The following STK32B variants were observed in gnomAD, a reference collection of about 807,000 sequenced individuals.
STK32B encodes serine/threonine kinase 32B.
STK32B carries 43 observed loss-of-function variants against 52.6 expected under a neutral mutation model. The observed-to-expected ratio is 0.82, with a 90% CI of 0.64 to 1.05. STK32B has a LOEUF of 1.05. Among genes scored for constraint, STK32B ranks in the 50% least tolerant of loss-of-function variants. The probability of loss-of-function intolerance (pLI) is 0.00; values close to 1 mark genes in which losing one functional copy is unlikely to be tolerated. For missense variants in STK32B, 621 were observed against 534.6 expected, an observed-to-expected ratio of 1.16 and a Z score of -1.59; for synonymous variants, 238 against 204.3, an observed-to-expected ratio of 1.17 and a Z score of -1.41.
intron 6 of STK32B, among the ~76,000 whole-genome samples, chr4:5,422,296 G>A (rs1376962088): frequency 2.6e-5 from 4 of 152,180 alleles, no homozygotes; most frequent in African/African-American, 9.7e-5. Context: ...TCCTGGGGCT[G>A]TAAATTCCTA....
intron 3 of STK32B, among the ~76,000 whole-genome samples, chr4:5,315,868 C>T (rs1479792385): frequency 1.3e-5 from 2 of 150,696 alleles, no homozygotes; most frequent in Non-Finnish European, 3.0e-5. Context: ...CCACGCCCAG[C>T]TAATTTTTGT....
intron 3 of STK32B, among the ~76,000 whole-genome samples, chr4:5,284,360 T>A (rs1432569284): frequency 6.6e-6 from 1 of 152,018 alleles, no homozygotes; most frequent in Non-Finnish European, 1.5e-5. Flanking sequence ...AAAAACTAGG[T>A]TTAAGAGAAG....
chr4:5,285,637 A>G (rs983248052), intron 3 of STK32B, among the ~76,000 whole-genome samples: 5 of 152,226 alleles, frequency 3.3e-5, no homozygotes, highest in African/African-American at 7.2e-5. Flanking sequence ...TGAGAAATGT[A>G]TGAAGGAAAA....
intron 1 of STK32B, among the ~76,000 whole-genome samples, chr4:5,074,047 A>G (rs2108769506): frequency 6.6e-6 from 1 of 151,890 alleles, no homozygotes; most frequent in South Asian, 2.1e-4. Flanking sequence ...ATTTTCTACC[A>G]CATTCTCTCT....
chr4:5,380,767 C>G lies in STK32B; in HGVS notation c.435-17440C>G, dbSNP rs1735888110. 6.6e-6 allele frequency among the ~76,000 whole-genome samples: 1 copy of G among 152,192 alleles called. No homozygotes were observed. ...GCACTGGACTCCACCCATTTTGTAGCTGACACTGCTGTTACCTACAATCAT... is the reference window on the plus strand; with the variant it reads ...GCACTGGACTCCACCCATTTTGTAGGTGACACTGCTGTTACCTACAATCAT... On this transcript the variant is annotated intron_variant, in intron 4 of 11. Transcript: ENST00000282908. This position sits in a 1 kb window ranked among gnomAD's most constrained non-coding sequence, Gnocchi z 4.3.
At chr4:5,144,791 TC>T (rs879587905) in intron 2 of STK32B, among the ~76,000 whole-genome samples, 7,575 of 130,900 alleles carry the variant, frequency 0.058, 232 homozygotes, top group South Asian at 0.14. Flanking sequence ...CACTCATCCA[TC>T]CATCCATCCA....
chr4:5,134,274 G>T (rs1356415755), intron 1 of STK32B, among the ~76,000 whole-genome samples: 1 of 152,164 alleles, frequency 6.6e-6, no homozygotes, highest in African/African-American at 2.4e-5. Context: ...GTGTTGAGAG[G>T]AGAGGCCTAA....
intron 11 of STK32B, among the ~76,000 whole-genome samples, chr4:5,487,536 G>A (rs1034335504): frequency 1.3e-5 from 2 of 152,192 alleles, no homozygotes; most frequent in Admixed American, 6.5e-5. Context: ...GGTGAGACGT[G>A]TTGTAGCCAT....
intron 1 of STK32B, among the ~76,000 whole-genome samples, chr4:5,122,489 A>G (rs938593948): frequency 2.6e-5 from 4 of 151,528 alleles, no homozygotes; most frequent in Non-Finnish European, 5.9e-5. Context: ...TCATTCATTC[A>G]CACACATTCA....
chr4:5,272,041 G>A (rs1251677019), intron 3 of STK32B, among the ~76,000 whole-genome samples: 1 of 147,920 alleles, frequency 6.8e-6, no homozygotes, highest in South Asian at 2.2e-4. Context: ...CCAACACTAT[G>A]TTGAATAGGA....
At chr4:5,484,667 C>A (rs1297961068) in intron 11 of STK32B, among the ~76,000 whole-genome samples, 6 of 152,106 alleles carry the variant, frequency 3.9e-5, no homozygotes, top group Non-Finnish European at 7.3e-5. Flanking sequence ...TTAGTTGATG[C>A]AGTTTCTTCC....
intron 1 of STK32B, among the ~76,000 whole-genome samples, chr4:5,089,226 TAA>T (rs34356123): frequency 1.3e-5 from 2 of 149,284 alleles, no homozygotes; most frequent in Non-Finnish European, 3.0e-5. Context: ...TTCTTTATTC[TAA>T]AAAAAAAACA....
chr4:5,376,721 G>A (rs1027920586), intron 4 of STK32B, among the ~76,000 whole-genome samples: 2 of 152,162 alleles, frequency 1.3e-5, no homozygotes, highest in Non-Finnish European at 2.9e-5. Flanking sequence ...GTCAGACTTC[G>A]TGTCCACACC....
At chr4:5,473,802 C>T (rs1171593738) in intron 11 of STK32B, among the ~76,000 whole-genome samples, 1 of 152,152 alleles carries the variant, frequency 6.6e-6, no homozygotes, top group Non-Finnish European at 1.5e-5. Context: ...ACTAAGTCCG[C>T]AGCAGGGTAG....
chr4:5,352,607 GAGAA>G (rs1733898373), intron 4 of STK32B, among the ~76,000 whole-genome samples: 1 of 136,584 alleles, frequency 7.3e-6, no homozygotes, highest in African/African-American at 2.9e-5. Flanking sequence ...AATCAGAAAA[GAGAA>G]AGAAATAAAA....
At chr4:5,088,698 G>T (rs1161294473) in intron 1 of STK32B, among the ~76,000 whole-genome samples, 1 of 151,816 alleles carries the variant, frequency 6.6e-6, no homozygotes, top group African/African-American at 2.4e-5. Context: ...ATTGCAGCCT[G>T]TATCAAGACA....
chr4:5,351,963 C>G (rs115990508), intron 4 of STK32B, among the ~76,000 whole-genome samples: 1,689 of 152,038 alleles, frequency 0.011, 27 homozygotes, highest in African/African-American at 0.039. Flanking sequence ...AATAAAAAGT[C>G]TCTCAAAAAA....
chr4:5,399,875 G>C lies in STK32B; in HGVS notation c.472+1631G>C, dbSNP rs995318607. On this transcript the variant is annotated intron_variant, in intron 5 of 11. Transcript: ENST00000282908. The surrounding 1 kb of genome is among the most constrained non-coding windows in gnomAD (Gnocchi z 5.4). ...TGTCCCCTTTCTCTGCTCAGGGCCA[G>C]GCAAGGTCAAATCACAGAAGCAGGG... 6.6e-6 allele frequency among the ~76,000 whole-genome samples: 1 copy of C among 152,174 alleles called. No individual in the cohort carries two copies. The highest frequency in any genetic ancestry group is 2.4e-5 in the African/African-American group (1 of 41,430).
At chr4:5,415,540 G>A (rs765106412) in intron 5 of STK32B, among the ~76,000 whole-genome samples, 2 of 152,224 alleles carry the variant, frequency 1.3e-5, no homozygotes, top group African/African-American at 2.4e-5. Flanking sequence ...GGCTAAAGTA[G>A]CCTGGGTATG....
Sources: allele counts gnomAD v4.1 joint callset (sites outside exome capture counted in the v4.1 genomes callset), GRCh38; gene constraint gnomAD v4.1.1; non-coding constraint Gnocchi (gnomAD v3.1); transcripts MANE v1.5; gene names NCBI Gene and HGNC (gene_info 2026-07-23, HGNC 2026-07-21).